Variants in CDH12 observed in about 807,000 individuals in gnomAD.
CDH12 encodes cadherin 12.
CDH12 carries 41 observed loss-of-function variants against 74.1 expected under a neutral mutation model. The ratio of observed to expected loss-of-function variants is 0.55; its 90% confidence interval spans 0.43 to 0.72. CDH12 has a LOEUF of 0.72. Among genes scored for constraint, CDH12 ranks in the 30% least tolerant of loss-of-function variants. The pLI, the probability that CDH12 is intolerant of heterozygous loss-of-function variation, is 0.00. For missense variants in CDH12, 945 were observed against 977.2 expected (o/e 0.97, Z 0.44); for synonymous variants, 399 against 355.0 (o/e 1.12, Z -1.39).
At chr5:22,153,903 T>TATATACAC (rs1478012877) in intron 4 of CDH12, among the ~76,000 whole-genome samples, 1 of 111,146 alleles carries the variant, frequency 9.0e-6, no homozygotes, top group Admixed American at 9.0e-5. Flanking sequence ...TATATATATA[T>TATATACAC]ACACACACAT....
chr5:22,178,518 G>A (rs1749461579), intron 4 of CDH12, among the ~76,000 whole-genome samples: 1 of 152,078 alleles, frequency 6.6e-6, no homozygotes, highest in South Asian at 2.1e-4. Flanking sequence ...CAATCTTTGT[G>A]TCTTTTTCTG....
chr5:22,651,212 ACCTCTTC>A (rs1739718740), intron 1 of CDH12, among the ~76,000 whole-genome samples: 1 of 151,886 alleles, frequency 6.6e-6, no homozygotes. Context: ...AATGCAAACT[ACCTCTTC>A]CCTCCCCAAA....
intron 1 of CDH12, among the ~76,000 whole-genome samples, chr5:22,732,996 C>T (rs1017194500): frequency 3.3e-5 from 5 of 151,820 alleles, no homozygotes; most frequent in Non-Finnish European, 7.4e-5. Context: ...AATACTTAAG[C>T]ATTTGATGAG....
At chr5:22,688,368 G>C (rs373676332) in intron 1 of CDH12, among the ~76,000 whole-genome samples, 1 of 152,106 alleles carries the variant, frequency 6.6e-6, no homozygotes, top group African/African-American at 2.4e-5. Flanking sequence ...AATGATAAAG[G>C]AGAATATAAT....
intron 3 of CDH12, among the ~76,000 whole-genome samples, chr5:22,240,892 A>G (rs1361358937): frequency 2.0e-5 from 3 of 152,194 alleles, no homozygotes; most frequent in Non-Finnish European, 4.4e-5. Flanking sequence ...AAGAAAAGTT[A>G]TAATTAACAT....
At chr5:22,321,905 G>C (rs1010984761) in intron 3 of CDH12, among the ~76,000 whole-genome samples, 1 of 152,080 alleles carries the variant, frequency 6.6e-6, no homozygotes, top group Non-Finnish European at 1.5e-5. Flanking sequence ...ATTTATGAGA[G>C]TAAAATTTCA....
chr5:22,692,844 C>T (rs189783884), intron 1 of CDH12, among the ~76,000 whole-genome samples: 2 of 152,132 alleles, frequency 1.3e-5, no homozygotes, highest in Admixed American at 6.5e-5. Flanking sequence ...CCATTGCCTC[C>T]CATTTGTTTT....
rs140025501 is a variant in CDH12 at position 22,287,834 on chromosome 5, A to G, written c.-332-75191T>C. Reference sequence around the variant, plus strand: ...TAAATTGAAGTTTCAGATTTCTTTTAATGGAATATTCTGAAAAAGACTGTT... The same window carrying G: ...TAAATTGAAGTTTCAGATTTCTTTTGATGGAATATTCTGAAAAAGACTGTT... On this transcript the variant is annotated intron_variant, in intron 3 of 14. Coordinates refer to ENST00000382254, the MANE Select transcript of CDH12 (RefSeq NM_004061.5). Among the ~76,000 whole-genome samples the G allele has an allele frequency of 9.5e-3, 1,442 of 152,274 alleles. 15 individuals carry two copies. The highest frequency in any genetic ancestry group is 0.041 in the Middle Eastern group (12 of 294).
At chr5:22,816,911 T>C (rs891259680) in intron 1 of CDH12, among the ~76,000 whole-genome samples, 3 of 152,152 alleles carry the variant, frequency 2.0e-5, no homozygotes, top group African/African-American at 7.2e-5. Flanking sequence ...TAGATATGAT[T>C]AGTGATTCCT....
intron 3 of CDH12, among the ~76,000 whole-genome samples, chr5:22,332,587 A>G (rs1465692317): frequency 1.3e-5 from 2 of 152,080 alleles, no homozygotes; most frequent in East Asian, 3.9e-4. Context: ...TCTAATATCC[A>G]TAATCTACAC....
intron 1 of CDH12, among the ~76,000 whole-genome samples, chr5:22,764,637 T>A (rs1201683811): frequency 6.6e-6 from 1 of 152,010 alleles, no homozygotes; most frequent in Non-Finnish European, 1.5e-5. Context: ...AAAGATTACA[T>A]TAATAAACAA....
chr5:22,064,476 C>G (rs1382405629), intron 5 of CDH12, among the ~76,000 whole-genome samples: 1 of 152,076 alleles, frequency 6.6e-6, no homozygotes, highest in Non-Finnish European at 1.5e-5. Flanking sequence ...GGAAGTGGCT[C>G]TTTAATATGA....
chr5:22,323,906 G>C (rs1028918524), intron 3 of CDH12, among the ~76,000 whole-genome samples: 2 of 152,150 alleles, frequency 1.3e-5, no homozygotes, highest in African/African-American at 4.8e-5. Context: ...TTCTTCATCT[G>C]TAAATCTGAA....
intron 6 of CDH12, chr5:21,882,566 C>G: frequency 6.9e-7 from 1 of 1,443,566 alleles, no homozygotes; most frequent in Admixed American, 1.7e-5. Context: ...CGCGCGCATG[C>G]CCTGCAGCCG....
intron 3 of CDH12, among the ~76,000 whole-genome samples, chr5:22,236,930 T>G (rs1275904079): frequency 1.3e-5 from 2 of 151,112 alleles, no homozygotes; most frequent in East Asian, 2.0e-4. Context: ...GAATACCTCC[T>G]GAAGGCCCTG....
intron 4 of CDH12, among the ~76,000 whole-genome samples, chr5:22,088,789 C>T (rs1191139919): frequency 2.6e-5 from 4 of 152,130 alleles, no homozygotes; most frequent in Non-Finnish European, 5.9e-5. Context: ...TCTCATGGGA[C>T]CAAGATCAAC....
At position 22,487,997 on chromosome 5, in the gene CDH12, C is replaced by G. The variant is rs190988127; in HGVS notation, c.-428+17273G>C. 7.2e-5 allele frequency among the ~76,000 whole-genome samples: 11 copies of G among 152,292 alleles called. No homozygotes were observed. In the East Asian group the frequency reaches 2.1e-3, roughly 29 times the overall value. ...GTTTTAACAACTTATTTTGATACCACGTCCATCACAGTAAAGTATTAATGG... is the reference window on the plus strand; with the variant it reads ...GTTTTAACAACTTATTTTGATACCAGGTCCATCACAGTAAAGTATTAATGG... On this transcript the variant is annotated intron_variant, in intron 2 of 14. Transcript: ENST00000382254.
intron 3 of CDH12, among the ~76,000 whole-genome samples, chr5:22,309,334 C>T (rs748868582): frequency 2.0e-5 from 3 of 152,024 alleles, no homozygotes; most frequent in Non-Finnish European, 4.4e-5. Context: ...GTTTAAGAAT[C>T]ACAGAACCAC....
chr5:22,078,225 T>G (rs1742465577), intron 5 of CDH12, among the ~76,000 whole-genome samples: 1 of 152,194 alleles, frequency 6.6e-6, no homozygotes, highest in African/African-American at 2.4e-5. Context: ...TATACTATTT[T>G]CATTAAAATA....
Sources: allele counts gnomAD v4.1 joint callset (sites outside exome capture counted in the v4.1 genomes callset), GRCh38; gene constraint gnomAD v4.1.1; transcripts MANE v1.5; gene names NCBI Gene and HGNC (gene_info 2026-07-23, HGNC 2026-07-21).